The following IL1RAP variants were observed in gnomAD, a reference collection of about 807,000 sequenced individuals.
IL1RAP encodes interleukin-1 receptor accessory protein.
A neutral mutation model predicts 60.7 loss-of-function variants in IL1RAP; 35 were observed. The ratio of observed to expected loss-of-function variants is 0.58; its 90% confidence interval spans 0.44 to 0.76. The LOEUF is 0.76. IL1RAP is among the 30% of genes least tolerant of loss of function. The pLI, the probability that IL1RAP is intolerant of heterozygous loss-of-function variation, is 0.00. For synonymous variants in IL1RAP, 268 were observed against 250.9 expected (o/e 1.07, Z -0.64); for missense variants, 572 against 693.9 (o/e 0.82, Z 1.97).
rs776161249 is a variant in IL1RAP, at chr3:190,604,101, CCTTT to C, written c.65-18_65-15del. On this transcript the variant is annotated intron_variant, in intron 3 of 11. Transcript: ENST00000447382. ...TTTGTTGTAAAATGACTCATCTGCCCCTTTCTTTCTTTTTTGATTATTCCAGAAC... is the reference window on the plus strand; with the variant it reads ...TTTGTTGTAAAATGACTCATCTGCCCCTTTCTTTTTTGATTATTCCAGAAC... 7 of 1,603,360 alleles carry C rather than the reference CCTTT, an allele frequency of 4.4e-6. No homozygotes were observed. In the East Asian group the frequency reaches 6.7e-5, roughly 15 times the overall value.
At chr3:190,598,251 T>C (rs1729553683) in intron 3 of IL1RAP, among the ~76,000 whole-genome samples, 1 of 152,234 alleles carries the variant, frequency 6.6e-6, no homozygotes, top group Non-Finnish European at 1.5e-5. Context: ...CAGTGACATC[T>C]TATTTTATCT....
At chr3:190,576,393 C>CAG in intron 3 of IL1RAP, among the ~76,000 whole-genome samples, 1 of 152,028 alleles carries the variant, frequency 6.6e-6, no homozygotes, top group East Asian at 1.9e-4. Flanking sequence ...TACACACACA[C>CAG]ACACGCACAT....
chr3:190,602,678 A>C (rs920847930), intron 3 of IL1RAP, among the ~76,000 whole-genome samples: 2 of 152,216 alleles, frequency 1.3e-5, no homozygotes, highest in Admixed American at 1.3e-4. Context: ...ATTCCATTGG[A>C]TGTAATTAAA....
chr3:190,521,045 A>T (rs893367113), intron 1 of IL1RAP, among the ~76,000 whole-genome samples: 1 of 152,184 alleles, frequency 6.6e-6, no homozygotes, highest in Non-Finnish European at 1.5e-5. Flanking sequence ...AATGGGGATA[A>T]TAAAACCCAT....
chr3:190,558,109 T>C (rs571770443), intron 2 of IL1RAP, among the ~76,000 whole-genome samples: 3 of 152,252 alleles, frequency 2.0e-5, no homozygotes, highest in Non-Finnish European at 2.9e-5. Context: ...TATCAACATA[T>C]ATAATGCTCA....
intron 1 of IL1RAP, among the ~76,000 whole-genome samples, chr3:190,521,035 A>G (rs1031887654): frequency 6.6e-6 from 1 of 152,170 alleles, no homozygotes; most frequent in Non-Finnish European, 1.5e-5. Context: ...TGATCTGTAA[A>G]ATGGGGATAA....
At chr3:190,569,717 G>C (rs958047002) in intron 3 of IL1RAP, among the ~76,000 whole-genome samples, 1 of 152,052 alleles carries the variant, frequency 6.6e-6, no homozygotes. Context: ...GCTTGATACT[G>C]AGTTTGCAAA....
intron 1 of IL1RAP, among the ~76,000 whole-genome samples, chr3:190,527,507 A>C (rs1309851401): frequency 6.6e-6 from 1 of 152,186 alleles, no homozygotes; most frequent in Non-Finnish European, 1.5e-5. Flanking sequence ...CCTCCCCTGC[A>C]GTGAAGACAC....
chr3:190,564,040 G>A, intron 2 of IL1RAP: 1 of 438,570 alleles, frequency 2.3e-6, no homozygotes, highest in South Asian at 3.3e-5. Context: ...TCTTAGTTAT[G>A]TTATTTAAAC....
intron 3 of IL1RAP, among the ~76,000 whole-genome samples, chr3:190,584,704 T>C (rs1728298046): frequency 6.6e-6 from 1 of 152,208 alleles, no homozygotes; most frequent in African/African-American, 2.4e-5. Flanking sequence ...GTTCCTGATA[T>C]TTTTCTTTGA....
chr3:190,640,794 T>C (rs1041680867), intron 9 of IL1RAP, among the ~76,000 whole-genome samples: 4 of 152,116 alleles, frequency 2.6e-5, no homozygotes, highest in Non-Finnish European at 5.9e-5. Context: ...GTTATTTACA[T>C]TGAACTACAA....
In IL1RAP at chr3:190,580,302, TG is replaced by T. The variant is rs558472184; in HGVS notation, c.64+15950del. ...CTGATTTCAGCTCTTGTGTATCTCG[TG>T]TTCAACTCTTATGCTCAACTGATTT... is the stretch of plus-strand genomic sequence containing the variant. On this transcript the variant is annotated intron_variant, in intron 3 of 11. Transcript: ENST00000447382. 2.2e-4 allele frequency among the ~76,000 whole-genome samples: 33 copies of T among 152,342 alleles called. No homozygotes were observed. In the East Asian group the frequency reaches 6.4e-3, roughly 29 times the overall value.
chr3:190,529,248 G>A lies in IL1RAP; in HGVS notation c.-89+15029G>A, dbSNP rs1486000614. Among the ~76,000 whole-genome samples, 3 of 152,170 alleles carry A rather than the reference G, an allele frequency of 2.0e-5. No individual in the cohort carries two copies. In the East Asian group the frequency reaches 5.8e-4, roughly 29 times the overall value. Reference sequence around the variant, plus strand: ...GGAAGATCTGGCAGGAATTGAAAGAGCAGTGGGCAGCCAGGCGCAGTGGCT... The same window carrying A: ...GGAAGATCTGGCAGGAATTGAAAGAACAGTGGGCAGCCAGGCGCAGTGGCT... On this transcript the variant is annotated intron_variant, in intron 1 of 11. Coordinates refer to ENST00000447382, the MANE Select transcript of IL1RAP (RefSeq NM_002182.4).
At chr3:190,576,006 T>A (rs576980316) in intron 3 of IL1RAP, among the ~76,000 whole-genome samples, 2 of 152,074 alleles carry the variant, frequency 1.3e-5, no homozygotes, top group South Asian at 4.2e-4. Flanking sequence ...CAGGGTAACA[T>A]CCAGAGTCAG....
intron 1 of IL1RAP, among the ~76,000 whole-genome samples, chr3:190,535,442 A>G (rs1265282552): frequency 5.3e-5 from 8 of 152,244 alleles, no homozygotes; most frequent in Non-Finnish European, 7.3e-5. Flanking sequence ...CGTGTTAAAC[A>G]TAAGTTCTTT....
chr3:190,549,247 C>T (rs1212299514), intron 1 of IL1RAP, among the ~76,000 whole-genome samples: 7 of 152,164 alleles, frequency 4.6e-5, no homozygotes, highest in African/African-American at 1.7e-4. Context: ...TGTAGCTCCA[C>T]CCCATTCTCC....
chr3:190,577,524 G>A (rs1178347864), intron 3 of IL1RAP, among the ~76,000 whole-genome samples: 1 of 152,130 alleles, frequency 6.6e-6, no homozygotes, highest in African/African-American at 2.4e-5. Context: ...GTAAGCATGT[G>A]GAAAACCTTT....
At chr3:190,609,518 T>C (rs1243955117) in intron 5 of IL1RAP, among the ~76,000 whole-genome samples, 1 of 152,224 alleles carries the variant, frequency 6.6e-6, no homozygotes, top group Non-Finnish European at 1.5e-5. Context: ...ATTCTTGTGG[T>C]GAATTTCAAT....
intron 9 of IL1RAP, among the ~76,000 whole-genome samples, chr3:190,633,369 T>A (rs1014660896): frequency 3.3e-5 from 5 of 152,132 alleles, no homozygotes; most frequent in African/African-American, 1.2e-4. Context: ...TTATTTAAAT[T>A]TATTTTTGAG....
Sources: allele counts gnomAD v4.1 joint callset (sites outside exome capture counted in the v4.1 genomes callset), GRCh38; gene constraint gnomAD v4.1.1; transcripts MANE v1.5; gene names NCBI Gene and HGNC (gene_info 2026-07-23, HGNC 2026-07-21).